The following CLOCK variants were observed in gnomAD, a reference collection of about 807,000 sequenced individuals.
CLOCK encodes clock circadian regulator, also known as circadian locomoter output cycles protein kaput.
Under a neutral mutation model 118.4 loss-of-function variants are expected in CLOCK, and 43 were observed. The observed-to-expected ratio is 0.36, with a 90% CI of 0.28 to 0.47. CLOCK has a LOEUF of 0.47. Among genes scored for constraint, CLOCK ranks in the 20% least tolerant of loss-of-function variants. CLOCK has a pLI of 1.00. For missense variants in CLOCK, 846 were observed against 999.9 expected, an observed-to-expected ratio of 0.85 and a Z score of 2.08; for synonymous variants, 326 against 339.2, an observed-to-expected ratio of 0.96 and a Z score of 0.43.
intron 1 of CLOCK, among the ~76,000 whole-genome samples, chr4:55,543,594 TTA>T (rs892865329): frequency 8.5e-5 from 13 of 152,106 alleles, no homozygotes; most frequent in African/African-American, 3.1e-4. Flanking sequence ...TTGTCACTTA[TTA>T]TATATACACT....
Position 55,431,154 on chromosome 4 carries a change from T to G in CLOCK, c.*4261A>C, listed in dbSNP as rs1195626792. The stretch of plus-strand genomic sequence containing the variant: ...TGCTTTTAGACTGTGGTATGTTGTT[T>G]TAAAAGTGTGTGCTATTCCTTCCGT... On this transcript the variant is annotated 3_prime_UTR_variant, in exon 23 of 23. Transcript: ENST00000513440. 1 of 152,190 alleles carries G rather than the reference T, an allele frequency of 6.6e-6. No individual in the cohort carries two copies. Among genetic ancestry groups the G allele is most frequent in the African/African-American group, 2.4e-5 (1 of 41,458 alleles). 9.4% of individuals were successfully genotyped at this position (152,190 alleles called of 1,614,324 possible). A position where few individuals can be genotyped will look rare whatever the true frequency, so the allele number is the denominator to read the frequency against.
chr4:55,469,821 A>G (rs1409115408), intron 8 of CLOCK, among the ~76,000 whole-genome samples: 1 of 152,038 alleles, frequency 6.6e-6, no homozygotes, highest in Non-Finnish European at 1.5e-5. Context: ...CAATCCTCCT[A>G]CTAGAGCCTC....
chr4:55,440,823 A>G (rs1723308125), intron 21 of CLOCK, among the ~76,000 whole-genome samples: 1 of 152,142 alleles, frequency 6.6e-6, no homozygotes, highest in East Asian at 1.9e-4. Context: ...TCTGCCCAGA[A>G]TGCCTCCCTA....
chr4:55,454,613 CAAAAAAAAAAAA>C (rs10566273), intron 13 of CLOCK, among the ~76,000 whole-genome samples: 3 of 69,484 alleles, frequency 4.3e-5, no homozygotes, highest in Admixed American at 2.1e-4. Context: ...GACTCCATCC[CAAAAAAAAAAAA>C]AAAAAAAAAA....
intron 1 of CLOCK, among the ~76,000 whole-genome samples, chr4:55,525,102 G>A (rs1240505868): frequency 6.6e-6 from 1 of 152,098 alleles, no homozygotes; most frequent in Non-Finnish European, 1.5e-5. Flanking sequence ...ACAAGTCTTA[G>A]AATGATGAAA....
intron 4 of CLOCK, among the ~76,000 whole-genome samples, chr4:55,482,095 T>G (rs1292717829): frequency 2.0e-5 from 3 of 152,194 alleles, no homozygotes; most frequent in African/African-American, 7.2e-5. Context: ...TTAAAGTCTT[T>G]TCTTTTCTAC....
At chr4:55,448,269 A>C (rs1486539459) in intron 18 of CLOCK, among the ~76,000 whole-genome samples, 1 of 152,194 alleles carries the variant, frequency 6.6e-6, no homozygotes, top group African/African-American at 2.4e-5. Flanking sequence ...TAAATATCAA[A>C]AGAATGAGTA....
intron 3 of CLOCK, among the ~76,000 whole-genome samples, chr4:55,487,326 A>C (rs1356889731): frequency 6.6e-6 from 1 of 152,036 alleles, no homozygotes; most frequent in Non-Finnish European, 1.5e-5. Context: ...CGCTAAAAAA[A>C]CTGAAGCTCT....
intron 7 of CLOCK, among the ~76,000 whole-genome samples, chr4:55,475,697 G>A (rs1346552602): frequency 6.6e-6 from 1 of 152,152 alleles, no homozygotes; most frequent in Non-Finnish European, 1.5e-5. Flanking sequence ...ACTTGCTGAA[G>A]GCTCAGATGA....
intron 4 of CLOCK, among the ~76,000 whole-genome samples, chr4:55,481,120 C>T (rs11735267): frequency 0.69 from 104,604 of 151,850 alleles, 36,293 homozygotes; most frequent in South Asian, 0.81. Context: ...TGAAGTTTTA[C>T]ATAAATTCCC....
intron 7 of CLOCK, among the ~76,000 whole-genome samples, chr4:55,471,462 A>C (rs887137531): frequency 6.6e-6 from 1 of 152,168 alleles, no homozygotes; most frequent in Non-Finnish European, 1.5e-5. Flanking sequence ...AAGAAAATTC[A>C]GTTAGGAAAA....
chr4:55,518,916 A>G (rs1729682889), intron 1 of CLOCK, among the ~76,000 whole-genome samples: 1 of 152,216 alleles, frequency 6.6e-6, no homozygotes. Context: ...ATCATCAATG[A>G]GTACCCTCAT....
intron 1 of CLOCK, among the ~76,000 whole-genome samples, chr4:55,528,873 G>A (rs1184268601): frequency 6.6e-6 from 1 of 152,172 alleles, no homozygotes; most frequent in African/African-American, 2.4e-5. Flanking sequence ...TTTCTATATG[G>A]CAATTGGAAA....
chr4:55,519,988 G>C (rs1485372104), intron 1 of CLOCK, among the ~76,000 whole-genome samples: 1 of 151,948 alleles, frequency 6.6e-6, no homozygotes, highest in Non-Finnish European at 1.5e-5. Flanking sequence ...TCCCTATTAG[G>C]GCCCTGACTT....
In CLOCK at chr4:55,430,621, A is replaced by G. The variant is rs1722435050; in HGVS notation, c.*4794T>C. On this transcript the variant is annotated 3_prime_UTR_variant, in exon 23 of 23. Coordinates refer to ENST00000513440, the MANE Select transcript of CLOCK (RefSeq NM_004898.4). Reference sequence around the variant, plus strand: ...TTCTTTTTCTCAGTCCTTTTTGTGCAAAAATATTACAAGAGCAATTCAAAT... The same window carrying G: ...TTCTTTTTCTCAGTCCTTTTTGTGCGAAAATATTACAAGAGCAATTCAAAT... The G allele has an allele frequency of 1.3e-5, 2 of 152,176 alleles. No homozygotes were observed. 9.4% of individuals were successfully genotyped at this position (152,176 alleles called of 1,614,324 possible).
intron 2 of CLOCK, among the ~76,000 whole-genome samples, chr4:55,498,119 A>G (rs1728201602): frequency 6.6e-6 from 1 of 152,234 alleles, no homozygotes; most frequent in Non-Finnish European, 1.5e-5. Flanking sequence ...TTAATAACAT[A>G]CAACTAATAT....
chr4:55,484,115 T>A (rs895065699), intron 3 of CLOCK, among the ~76,000 whole-genome samples: 3 of 152,196 alleles, frequency 2.0e-5, no homozygotes, highest in Non-Finnish European at 4.4e-5. Context: ...GAAAGGAGAA[T>A]AACCCTGGCA....
chr4:55,498,082 TA>T (rs1560459220), intron 2 of CLOCK, among the ~76,000 whole-genome samples: 1 of 151,902 alleles, frequency 6.6e-6, no homozygotes, highest in East Asian at 1.9e-4. Context: ...TTGACAATGC[TA>T]GGTTTAGAGC....
intron 4 of CLOCK, among the ~76,000 whole-genome samples, chr4:55,482,159 G>A (rs1254190255): frequency 6.6e-6 from 1 of 152,066 alleles, no homozygotes; most frequent in African/African-American, 2.4e-5. Flanking sequence ...GGTAGACTAC[G>A]TGTCGCTGAG....
Sources: gnomAD v4.1 joint callset for allele counts (sites outside exome capture counted in the v4.1 genomes callset) on GRCh38, gnomAD v4.1.1 for gene constraint, MANE v1.5 for transcripts, NCBI Gene and HGNC (gene_info 2026-07-23, HGNC 2026-07-21) for gene names.